COL4A6: variants seen among roughly 807,000 people sequenced by gnomAD.
COL4A6 encodes collagen alpha-6(IV) chain.
Under a neutral mutation model 126.7 loss-of-function variants are expected in COL4A6, and 59 were observed. The ratio of observed to expected loss-of-function variants is 0.47; its 90% CI spans 0.38 to 0.58. COL4A6 has a LOEUF of 0.58. Ranked by LOEUF, COL4A6 falls within the 20% of genes least tolerant of loss-of-function variation. The pLI, the probability that COL4A6 is intolerant of heterozygous loss-of-function variation, is 0.00. For missense variants in COL4A6, 1,285 were observed against 1,337.3 expected (o/e 0.96, Z 0.61); for synonymous variants, 547 against 496.6 (o/e 1.10, Z -1.35).
At chrX:108,398,314 C>T (rs986672542) in intron 2 of COL4A6, among the ~76,000 whole-genome samples, 21 of 111,928 alleles carry the variant, frequency 1.9e-4, no homozygotes, top group African/African-American at 6.8e-4. Flanking sequence ...AATCTTAGAT[C>T]TGGGAAAGCC....
intron 3 of COL4A6, among the ~76,000 whole-genome samples, chrX:108,260,599 G>A (rs1280990063): frequency 3.6e-5 from 4 of 110,838 alleles, no homozygotes; most frequent in Admixed American, 1.9e-4. Flanking sequence ...TTTTCCTTCC[G>A]CCATGATTGT....
At chrX:108,174,417 G>C in intron 31 of COL4A6, 23 bp downstream of exon 31, 17 of 1,206,765 alleles carry the variant, frequency 1.4e-5, no homozygotes, top group Non-Finnish European at 1.8e-5. Context: ...CTGGTATAAA[G>C]ACAAAGATCT....
chrX:108,433,455 T>C (rs180789709), intron 2 of COL4A6, among the ~76,000 whole-genome samples: 2 of 111,776 alleles, frequency 1.8e-5, no homozygotes, highest in Non-Finnish European at 3.8e-5. Context: ...TCTTGTCACC[T>C]ACACAGTATA....
At chrX:108,218,388 C>T (rs147445779) in intron 5 of COL4A6, among the ~76,000 whole-genome samples, 171 of 112,580 alleles carry the variant, frequency 1.5e-3, no homozygotes, top group African/African-American at 5.3e-3. Context: ...GATGGCCAAC[C>T]CTGTCCGCTT....
chrX:108,352,047 A>G (rs927325957), intron 2 of COL4A6, among the ~76,000 whole-genome samples: 1 of 112,733 alleles, frequency 8.9e-6, no homozygotes, highest in Non-Finnish European at 1.9e-5. Flanking sequence ...GGTCTTTGGG[A>G]CACAGGAATC....
chrX:108,367,761 A>C (rs1466868649), intron 2 of COL4A6, among the ~76,000 whole-genome samples: 1 of 111,349 alleles, frequency 9.0e-6, no homozygotes, highest in African/African-American at 3.3e-5. Flanking sequence ...ACATGTTTCC[A>C]AGCTCCATTT....
intron 37 of COL4A6, among the ~76,000 whole-genome samples, chrX:108,167,246 G>T (rs999269116): frequency 8.9e-6 from 1 of 112,179 alleles, no homozygotes; most frequent in African/African-American, 3.2e-5. Flanking sequence ...CAGCCTCTAC[G>T]TATTTAGTGC....
At chrX:108,349,858 CT>C (rs992403329) in intron 2 of COL4A6, among the ~76,000 whole-genome samples, 1 of 111,897 alleles carries the variant, frequency 8.9e-6, no homozygotes, top group Admixed American at 9.5e-5. Context: ...TTATTTTCGT[CT>C]ATGCTAGGCA....
chrX:108,365,096 G>A (rs367928232), intron 2 of COL4A6, among the ~76,000 whole-genome samples: 11 of 111,543 alleles, frequency 9.9e-5, no homozygotes, highest in African/African-American at 3.3e-4. Context: ...CTGAGGGTTC[G>A]TACTCAACTT....
rs2064299150 is a variant in COL4A6, at chrX:108,437,961, G to A, written c.44C>T (p.Thr15Ile). The change falls in exon 2 of 45, where the codon ACC (threonine) becomes ATC (isoleucine). Residue 15 changes from threonine (T) to isoleucine (I), a missense_variant. Transcript: ENST00000334504. ...ACTCACCGCTGCTGCCAGTTCCTCG[G>A]TCAGGCACAACGTAACCAGGAGCAG... ...LWLLLVTLCL[T>I]EELAAAGEKS... is the part of the protein sequence containing the mutation. 1 of 1,208,971 alleles carries A rather than the reference G, an allele frequency of 8.3e-7. No homozygotes were observed.
rs1425432677 is a variant in COL4A6, at chrX:108,155,731, G to GT, written c.*1268dup. 8.9e-6 allele frequency: 1 copy of GT among 111,873 alleles called. No homozygotes were observed. The highest frequency in any genetic ancestry group is 2.8e-4 in the East Asian group (1 of 3,604). The allele number at this position is 111,873 out of a possible 1,213,427, so 9.2% of individuals were successfully genotyped here. On this transcript the variant is annotated 3_prime_UTR_variant, in exon 45 of 45. Transcript: ENST00000334504. ...ATTATGCTTTGTCTGTATTGGCACA[G>GT]TTTATATAATACTTAAGGAAACAGA...
chrX:108,424,945 G>A (rs760108944), intron 2 of COL4A6, among the ~76,000 whole-genome samples: 22 of 110,793 alleles, frequency 2.0e-4, no homozygotes, highest in Admixed American at 5.8e-4. Flanking sequence ...TGGGGAGGTT[G>A]AGGTTACAAT....
chrX:108,401,715 C>T (rs1353969657), intron 2 of COL4A6, among the ~76,000 whole-genome samples: 1 of 110,908 alleles, frequency 9.0e-6, no homozygotes, highest in African/African-American at 3.3e-5. Flanking sequence ...AAATTTGCAG[C>T]ATTTACATGT....
chrX:108,342,503 C>T (rs73638803), intron 2 of COL4A6, among the ~76,000 whole-genome samples: 6,948 of 111,142 alleles, frequency 0.063, 507 homozygotes, highest in African/African-American at 0.2. Flanking sequence ...AGGTGACACC[C>T]AAAGGGCCAG....
chrX:108,387,668 C>T (rs778264346), intron 2 of COL4A6, among the ~76,000 whole-genome samples: 2 of 111,905 alleles, frequency 1.8e-5, no homozygotes, highest in Non-Finnish European at 1.9e-5. Context: ...CAAACAGAGA[C>T]AATTTGACTT....
intron 32 of COL4A6, 79 bp from the exon 33 acceptor site, chrX:108,171,540 T>G: frequency 1.4e-6 from 1 of 723,483 alleles, no homozygotes; most frequent in Non-Finnish European, 2.0e-6. Flanking sequence ...TTTGAACACA[T>G]TTTTTTTTTC....
intron 2 of COL4A6, among the ~76,000 whole-genome samples, chrX:108,330,231 C>T (rs1357043830): frequency 9.0e-6 from 1 of 110,991 alleles, no homozygotes; most frequent in Non-Finnish European, 1.9e-5. Flanking sequence ...CAGAATGGGA[C>T]AAAGACTCTG....
At chrX:108,428,370 A>G (rs1005490062) in intron 2 of COL4A6, among the ~76,000 whole-genome samples, 4 of 111,825 alleles carry the variant, frequency 3.6e-5, no homozygotes, top group Non-Finnish European at 5.6e-5. Flanking sequence ...TCAATTGCCA[A>G]AATTGGGAAA....
chrX:108,162,651 G>A (rs1265285566), intron 41 of COL4A6, among the ~76,000 whole-genome samples: 1 of 111,102 alleles, frequency 9.0e-6, no homozygotes, highest in Non-Finnish European at 1.9e-5. Flanking sequence ...AGAGAGGGGC[G>A]AGTGGTCTGG....
Sources: allele counts gnomAD v4.1 joint callset (sites outside exome capture counted in the v4.1 genomes callset), GRCh38; gene constraint gnomAD v4.1.1; transcripts MANE v1.5; gene names NCBI Gene and HGNC (gene_info 2026-07-23, HGNC 2026-07-21).